DLGAP2: variants seen among roughly 807,000 people sequenced by gnomAD.
DLGAP2 encodes disks large-associated protein 2.
Under a neutral mutation model 100.3 loss-of-function variants are expected in DLGAP2, and 26 were observed. The observed-to-expected ratio is 0.26, with a 90% CI of 0.19 to 0.36. The LOEUF is 0.36. Ranked by LOEUF, DLGAP2 falls within the 10% of genes least tolerant of loss-of-function variation. The pLI, the probability that DLGAP2 is intolerant of heterozygous loss-of-function variation, is 1.00. For synonymous variants in DLGAP2, 886 were observed against 630.1 expected, an observed-to-expected ratio of 1.41 and a Z score of -6.08; for missense variants, 1,858 against 1,453.2, an observed-to-expected ratio of 1.28 and a Z score of -4.53.
At chr8:1,002,097 C>T (rs1800976426) in intron 2 of DLGAP2, 2 of 152,170 alleles carry the variant, frequency 1.3e-5, no homozygotes, top group Non-Finnish European at 2.9e-5. Context: ...ACGATGATGC[C>T]TATCCCTTTC....
At position 1,410,518 on chromosome 8, in the gene DLGAP2, T is replaced by A. The variant is rs746051842; in HGVS notation, c.107-90848T>A. On this transcript the variant is annotated intron_variant, in intron 3 of 14. Coordinates refer to ENST00000637795, the MANE Select transcript of DLGAP2 (RefSeq NM_001346810.2). Reference sequence around the variant, plus strand: ...ACTAGAGGAAGGCTTCCTGCAGGGGTCCATCTGCAGGCTACTGCATTTCCG... The same window carrying A: ...ACTAGAGGAAGGCTTCCTGCAGGGGACCATCTGCAGGCTACTGCATTTCCG... Among the ~76,000 whole-genome samples the A allele has an allele frequency of 8.3e-4, 127 of 152,268 alleles. 1 individual carries two copies. Among genetic ancestry groups the A allele is most frequent in the Admixed American group, 1.5e-3 (23 of 15,300 alleles).
chr8:1,135,577 C>G (rs1796392431), intron 2 of DLGAP2, among the ~76,000 whole-genome samples: 1 of 117,182 alleles, frequency 8.5e-6, no homozygotes, highest in South Asian at 2.9e-4. Context: ...TGCGGTCTTT[C>G]AGGAGACGGA....
chr8:1,126,833 C>A (rs1430021136), intron 2 of DLGAP2, among the ~76,000 whole-genome samples: 2 of 151,982 alleles, frequency 1.3e-5, no homozygotes, highest in East Asian at 3.9e-4. Flanking sequence ...GGCACCACCC[C>A]ATTGTGGTGC....
intron 2 of DLGAP2, among the ~76,000 whole-genome samples, chr8:1,256,692 C>G (rs889541172): frequency 6.6e-6 from 1 of 152,182 alleles, no homozygotes; most frequent in African/African-American, 2.4e-5. Context: ...TGAGGGGAAA[C>G]TGACTGTGGG....
chr8:1,277,433 A>G (rs1332935923), intron 3 of DLGAP2, among the ~76,000 whole-genome samples: 1 of 152,230 alleles, frequency 6.6e-6, no homozygotes, highest in Non-Finnish European at 1.5e-5. Context: ...AAGCATATAA[A>G]ACAAACATCT....
At chr8:1,170,491 C>G (rs1332184615) in intron 2 of DLGAP2, among the ~76,000 whole-genome samples, 2 of 151,852 alleles carry the variant, frequency 1.3e-5, no homozygotes, top group Non-Finnish European at 2.9e-5. Flanking sequence ...TGGTAGAATT[C>G]GGCTGTGAAT....
rs1383737022 is a variant in DLGAP2 at position 981,583 on chromosome 8, AT to A, written c.73+73618del. Among the ~76,000 whole-genome samples, 4 of 152,086 alleles carry A rather than the reference AT, an allele frequency of 2.6e-5. No homozygotes were observed. In the South Asian group the frequency reaches 6.2e-4, roughly 24 times the overall value. On this transcript the variant is annotated intron_variant, in intron 2 of 14. Coordinates refer to ENST00000637795, the MANE Select transcript of DLGAP2 (RefSeq NM_001346810.2). Reference sequence around the variant, plus strand: ...CCAGTTTCTCTGCATCCTCTCCGATATGGTATTTTTTGTTGTTTGATAGTAG... The same window carrying A: ...CCAGTTTCTCTGCATCCTCTCCGATAGGTATTTTTTGTTGTTTGATAGTAG...
At chr8:786,795 A>G (rs1412589294) in intron 1 of DLGAP2, among the ~76,000 whole-genome samples, 1 of 148,844 alleles carries the variant, frequency 6.7e-6, no homozygotes, top group African/African-American at 2.5e-5. Flanking sequence ...AGCATCATGA[A>G]CCTTGTCTTC....
At chr8:940,111 GAC>G (rs1263040816) in intron 2 of DLGAP2, among the ~76,000 whole-genome samples, 1 of 152,112 alleles carries the variant, frequency 6.6e-6, no homozygotes, top group Non-Finnish European at 1.5e-5. Flanking sequence ...GCTGTGGAAA[GAC>G]AGTGGGGCGT....
chr8:822,479 G>A (rs1020042038), intron 1 of DLGAP2, among the ~76,000 whole-genome samples: 2 of 152,184 alleles, frequency 1.3e-5, no homozygotes, highest in South Asian at 2.1e-4. Context: ...CTTCTCATGC[G>A]CACAGTGTTT....
chr8:1,636,985 G>A (rs890730380), intron 8 of DLGAP2, among the ~76,000 whole-genome samples: 2 of 152,236 alleles, frequency 1.3e-5, no homozygotes, highest in Non-Finnish European at 2.9e-5. Context: ...AAACCCGGCC[G>A]ATGGCTGCCG....
chr8:973,231 C>T (rs1327135274), intron 2 of DLGAP2, among the ~76,000 whole-genome samples: 18 of 145,552 alleles, frequency 1.2e-4, no homozygotes, highest in African/African-American at 3.1e-4. Context: ...CCAGACGGGG[C>T]GGCTGGCCGG....
intron 4 of DLGAP2, among the ~76,000 whole-genome samples, chr8:1,517,651 G>A (rs1442934196): frequency 6.6e-6 from 1 of 152,186 alleles, no homozygotes; most frequent in Non-Finnish European, 1.5e-5. Context: ...GCACCACACA[G>A]CAGAAGGGCC....
Position 1,701,125 on chromosome 8 carries a change from G to C in DLGAP2, c.2950-63G>C, listed in dbSNP as rs1471786586. On this transcript the variant is annotated intron_variant, in intron 14 of 14. Transcript: ENST00000637795. ...TCAGGCCAGGCCCCAGGGCCGCTGAGCTCGCGAGCTGCTGGGACCCTCCTC... is the reference window on the plus strand; with the variant it reads ...TCAGGCCAGGCCCCAGGGCCGCTGACCTCGCGAGCTGCTGGGACCCTCCTC... The C allele has an allele frequency of 4.1e-6, 6 of 1,476,072 alleles. No homozygotes were observed. The East Asian group carries it at 9.9e-5, about 24-fold the overall frequency. 91.4% of individuals were successfully genotyped at this position (1,476,072 alleles called of 1,614,324 possible). A position where few individuals can be genotyped will look rare whatever the true frequency, so the allele number is the denominator to read the frequency against.
chr8:934,923 A>G (rs576257966), intron 2 of DLGAP2, among the ~76,000 whole-genome samples: 9 of 152,290 alleles, frequency 5.9e-5, no homozygotes, highest in South Asian at 2.1e-4. Context: ...TTTAAAGTCT[A>G]AAGAGCATTC....
Position 1,548,670 on chromosome 8 carries a change from C to T in DLGAP2, c.217C>T (p.Arg73Cys), listed in dbSNP as rs751358495. ...GCCCACGCAGCACTTCAATGAGGAG[C>T]GCTACTCGCCCGCGCCCAGGAGCAT... ...WSPTQHFNEE[R>C]YSPAPRSMKG... Residue 73 changes from arginine to cysteine, a missense_variant, in exon 5 of 15, where the codon CGC (arginine) becomes TGC (cysteine). Arg to Cys is a radical substitution (Grantham distance 180). Coordinates refer to ENST00000637795, the MANE Select transcript of DLGAP2 (RefSeq NM_001346810.2). 1 of 1,592,074 alleles carries T rather than the reference C, an allele frequency of 6.3e-7. No individual in the cohort carries two copies. The highest frequency in any genetic ancestry group is 8.5e-7 in the Non-Finnish European group (1 of 1,171,172).
intron 6 of DLGAP2, among the ~76,000 whole-genome samples, chr8:1,579,415 A>G (rs1052262196): frequency 2.6e-5 from 4 of 152,146 alleles, no homozygotes; most frequent in Non-Finnish European, 5.9e-5. Context: ...CATGGGGCGT[A>G]ATTATAAAGA....
chr8:1,110,784 C>T (rs1454421695), intron 2 of DLGAP2, among the ~76,000 whole-genome samples: 2 of 149,956 alleles, frequency 1.3e-5, no homozygotes, highest in East Asian at 2.0e-4. Context: ...TTTACAGACC[C>T]TCTCTCTCAC....
intron 2 of DLGAP2, among the ~76,000 whole-genome samples, chr8:1,118,460 A>G (rs753152268): frequency 6.6e-5 from 10 of 152,246 alleles, no homozygotes; most frequent in Admixed American, 1.3e-4. Context: ...TTTTCAGGGC[A>G]AAACTTCTGC....
Sources: gnomAD v4.1 joint callset for allele counts (sites outside exome capture counted in the v4.1 genomes callset) on GRCh38, gnomAD v4.1.1 for gene constraint, MANE v1.5 for transcripts, NCBI Gene and HGNC (gene_info 2026-07-23, HGNC 2026-07-21) for gene names.